Variants in CTNNA3 observed in about 807,000 individuals in gnomAD.
The protein encoded by CTNNA3 is catenin alpha-3.
In CTNNA3, 76 loss-of-function variants were observed where a neutral mutation model predicts 95.7. The ratio of observed to expected loss-of-function variants is 0.79; its 90% confidence interval spans 0.66 to 0.96. The LOEUF is 0.96. Among genes scored for constraint, CTNNA3 ranks in the 40% least tolerant of loss-of-function variants. The pLI is 0.00. For missense variants in CTNNA3, 1,191 were observed against 1,089.8 expected, an observed-to-expected ratio of 1.09 and a Z score of -1.31; for synonymous variants, 431 against 374.4, an observed-to-expected ratio of 1.15 and a Z score of -1.74.
chr10:67,107,907 T>C (rs1374425104), intron 7 of CTNNA3, among the ~76,000 whole-genome samples: 3 of 152,160 alleles, frequency 2.0e-5, no homozygotes, highest in Non-Finnish European at 4.4e-5. Flanking sequence ...GGAAGTGCTC[T>C]AGCAGGGACT....
intron 2 of CTNNA3, among the ~76,000 whole-genome samples, chr10:67,632,358 G>A (rs934370236): frequency 6.6e-6 from 1 of 151,636 alleles, no homozygotes; most frequent in Non-Finnish European, 1.5e-5. Flanking sequence ...GGTAGATGGC[G>A]GCGGCTAGAT....
At chr10:66,400,727 C>A (rs1564928845) in intron 11 of CTNNA3, among the ~76,000 whole-genome samples, 2 of 152,052 alleles carry the variant, frequency 1.3e-5, no homozygotes. Flanking sequence ...TTACTTATTT[C>A]TTTCAATAGA....
At chr10:66,363,466 C>A (rs546524384) in intron 12 of CTNNA3, among the ~76,000 whole-genome samples, 2 of 152,094 alleles carry the variant, frequency 1.3e-5, no homozygotes, top group South Asian at 4.1e-4. Context: ...GTTTGCAGGC[C>A]AGAAAGAGGG....
intron 12 of CTNNA3, among the ~76,000 whole-genome samples, chr10:66,355,966 T>C (rs916665571): frequency 2.0e-5 from 3 of 150,676 alleles, no homozygotes; most frequent in Non-Finnish European, 3.0e-5. Flanking sequence ...TATCTTGGCA[T>C]TTCCATCAAG....
chr10:66,693,266 A>T (rs1429871337), intron 9 of CTNNA3, among the ~76,000 whole-genome samples: 4 of 151,698 alleles, frequency 2.6e-5, no homozygotes, highest in Non-Finnish European at 5.9e-5. Context: ...ATGGAGGAAG[A>T]TCTATCAAGC....
intron 7 of CTNNA3, among the ~76,000 whole-genome samples, chr10:66,859,679 C>T (rs544217528): frequency 7.0e-6 from 1 of 142,312 alleles, no homozygotes; most frequent in Admixed American, 7.0e-5. Context: ...TATACCCAAA[C>T]GACTATAAAT....
At chr10:66,067,895 G>A (rs1204191151) in intron 15 of CTNNA3, among the ~76,000 whole-genome samples, 1 of 152,008 alleles carries the variant, frequency 6.6e-6, no homozygotes, top group African/African-American at 2.4e-5. Context: ...CAGCCTGGAT[G>A]ACAGAGCGAG....
chr10:66,628,599 T>A (rs1317923146), intron 9 of CTNNA3, among the ~76,000 whole-genome samples: 1 of 152,160 alleles, frequency 6.6e-6, no homozygotes, highest in Non-Finnish European at 1.5e-5. Context: ...TTTTAACTTG[T>A]ATTGGCAAAG....
At chr10:66,490,492 C>T (rs1197731608) in intron 11 of CTNNA3, among the ~76,000 whole-genome samples, 1 of 152,144 alleles carries the variant, frequency 6.6e-6, no homozygotes, top group African/African-American at 2.4e-5. Flanking sequence ...GTAAGCAATG[C>T]ATGAGCTTAT....
At chr10:66,232,953 C>T (rs2089660498) in intron 13 of CTNNA3, among the ~76,000 whole-genome samples, 1 of 151,746 alleles carries the variant, frequency 6.6e-6, no homozygotes, top group African/African-American at 2.4e-5. Flanking sequence ...GTCAGGAGAT[C>T]GAGACCATCC....
chr10:66,316,580 A>G (rs1288375036), intron 12 of CTNNA3, among the ~76,000 whole-genome samples: 1 of 152,002 alleles, frequency 6.6e-6, no homozygotes, highest in Non-Finnish European at 1.5e-5. Context: ...GGGACAATGT[A>G]GACAAGCCAG....
chr10:66,761,229 C>T (rs1401878916), intron 9 of CTNNA3, among the ~76,000 whole-genome samples: 4 of 152,020 alleles, frequency 2.6e-5, no homozygotes, highest in African/African-American at 9.7e-5. Flanking sequence ...TAGGGCTCAC[C>T]ATTTTGCGAG....
intron 11 of CTNNA3, among the ~76,000 whole-genome samples, chr10:66,439,894 C>T (rs2093364032): frequency 6.6e-6 from 1 of 152,120 alleles, no homozygotes; most frequent in Non-Finnish European, 1.5e-5. Flanking sequence ...CAAAGAAAAT[C>T]TGTATTACAA....
At chr10:66,943,198 G>A (rs568032904) in intron 7 of CTNNA3, among the ~76,000 whole-genome samples, 2 of 152,268 alleles carry the variant, frequency 1.3e-5, no homozygotes, top group Non-Finnish European at 2.9e-5. Flanking sequence ...GAGCAGAGAC[G>A]AGAAAAGCTA....
intron 7 of CTNNA3, among the ~76,000 whole-genome samples, chr10:66,837,934 G>A (rs1420348694): frequency 6.6e-6 from 1 of 152,032 alleles, no homozygotes; most frequent in East Asian, 1.9e-4. Flanking sequence ...CATATTCATA[G>A]CTTTCAAACC....
At chr10:67,538,126 G>A (rs1346486663) in intron 4 of CTNNA3, among the ~76,000 whole-genome samples, 2 of 109,958 alleles carry the variant, frequency 1.8e-5, no homozygotes, top group African/African-American at 7.4e-5. Flanking sequence ...GGTGATGACA[G>A]CAATTCCCTT....
chr10:66,743,747 G>A (rs1399294000), intron 9 of CTNNA3, among the ~76,000 whole-genome samples: 4 of 152,088 alleles, frequency 2.6e-5, no homozygotes, highest in Non-Finnish European at 5.9e-5. Flanking sequence ...GAAGGCCAAG[G>A]CGGGTGGATC....
At chr10:65,953,835 A>G (rs1589167655) in intron 17 of CTNNA3, among the ~76,000 whole-genome samples, 3 of 152,098 alleles carry the variant, frequency 2.0e-5, no homozygotes, top group East Asian at 3.9e-4. Context: ...GAATAGTGCC[A>G]CAATAAACAT....
intron 5 of CTNNA3, among the ~76,000 whole-genome samples, chr10:67,412,553 CA>C: frequency 6.6e-6 from 1 of 152,042 alleles, no homozygotes; most frequent in East Asian, 1.9e-4. Context: ...GGCACATAGT[CA>C]TCAGAATCAC....
Sources: gnomAD v4.1 joint callset for allele counts (sites outside exome capture counted in the v4.1 genomes callset) on GRCh38, gnomAD v4.1.1 for gene constraint, MANE v1.5 for transcripts, NCBI Gene and HGNC (gene_info 2026-07-23, HGNC 2026-07-21) for gene names.